RAPGEF6: variants seen among roughly 807,000 people sequenced by gnomAD.
RAPGEF6 encodes the protein PDZ domain containing guanine nucleotide exchange factor (GEF) 2.
A neutral mutation model predicts 171.4 loss-of-function variants in RAPGEF6; 56 were observed. That is an observed-to-expected ratio of 0.33 (90% CI 0.26 to 0.41). The LOEUF is 0.41. RAPGEF6 is among the 10% of genes least tolerant of loss of function. The pLI, the probability that RAPGEF6 is intolerant of heterozygous loss-of-function variation, is 1.00. For missense variants in RAPGEF6, 1,674 were observed against 1,921.4 expected, an observed-to-expected ratio of 0.87 and a Z score of 2.41; for synonymous variants, 692 against 650.1, an observed-to-expected ratio of 1.06 and a Z score of -0.98.
At chr5:131,486,094 A>G (rs1019111354) in intron 15 of RAPGEF6, among the ~76,000 whole-genome samples, 2 of 152,270 alleles carry the variant, frequency 1.3e-5, no homozygotes, top group African/African-American at 4.8e-5. Context: ...AGTTAGGTAC[A>G]GCGCACATCC....
intron 4 of RAPGEF6, among the ~76,000 whole-genome samples, chr5:131,576,462 G>T (rs994999406): frequency 6.6e-6 from 1 of 152,108 alleles, no homozygotes; most frequent in African/African-American, 2.4e-5. Context: ...GCAGAAAGAG[G>T]TTTTCTCACC....
Position 131,464,160 on chromosome 5 carries a change from G to C in RAPGEF6, c.2361C>G (p.Thr787=). 1 of 1,613,942 alleles carries C rather than the reference G, an allele frequency of 6.2e-7. No homozygotes were observed. ...VFHAVHEFGL[T]GASDTYSLCE... ...AGAGAGAATATGTGTCGGATGCACC[G>C]GTCAAACCAAATTCATGAACAGCAT... Residue 787 remains threonine, a synonymous_variant, in exon 18 of 28, where the codon ACC becomes ACG. Transcript: ENST00000509018.
At chr5:131,433,697 G>A in intron 24 of RAPGEF6, 39 bp from the exon 25 acceptor site, 1 of 1,450,828 alleles carries the variant, frequency 6.9e-7, no homozygotes, top group Non-Finnish European at 9.6e-7. Context: ...TACAAAAAAA[G>A]GGAACATATG....
At chr5:131,603,464 CAG>C (rs1172241528) in intron 2 of RAPGEF6, 137 bp from the exon 3 acceptor site, 12 of 593,684 alleles carry the variant, frequency 2.0e-5, no homozygotes, top group Non-Finnish European at 3.2e-5. Flanking sequence ...CACTAAACTA[CAG>C]AGAGTTTAGA....
intron 6 of RAPGEF6, among the ~76,000 whole-genome samples, chr5:131,530,257 A>G (rs1341681254): frequency 6.6e-6 from 1 of 152,108 alleles, no homozygotes; most frequent in Admixed American, 6.5e-5. Context: ...AGGCCAGAAG[A>G]CAGTGTAGTA....
At chr5:131,510,276 A>AGTTACAAAT in intron 8 of RAPGEF6, 38 bp downstream of exon 8, 1 of 1,537,194 alleles carries the variant, frequency 6.5e-7, no homozygotes, top group Admixed American at 1.9e-5. Flanking sequence ...ATATAAATTA[A>AGTTACAAAT]GTTACAAATT....
chr5:131,534,946 T>C (rs1408029180), intron 6 of RAPGEF6, among the ~76,000 whole-genome samples: 2 of 151,946 alleles, frequency 1.3e-5, no homozygotes, highest in Non-Finnish European at 2.9e-5. Flanking sequence ...TTATAAATCA[T>C]GCTGATCAAC....
chr5:131,439,836 T>C (rs1752263021), intron 23 of RAPGEF6, 121 bp from the exon 24 acceptor site: 12 of 1,437,562 alleles, frequency 8.3e-6, no homozygotes, highest in Admixed American at 2.5e-5. Flanking sequence ...AACTGAAATG[T>C]GTAAATGACA....
At chr5:131,623,366 ACATTTTGC>A (rs1445602102) in intron 1 of RAPGEF6, among the ~76,000 whole-genome samples, 1 of 152,176 alleles carries the variant, frequency 6.6e-6, no homozygotes, top group Admixed American at 6.5e-5. Context: ...TAGTAATAGC[ACATTTTGC>A]CATTTTGCCA....
At chr5:131,458,393 T>G (rs1249228234) in intron 19 of RAPGEF6, among the ~76,000 whole-genome samples, 2 of 152,228 alleles carry the variant, frequency 1.3e-5, no homozygotes, top group African/African-American at 4.8e-5. Flanking sequence ...ACTATGATAG[T>G]AAGTTTCCTA....
chr5:131,486,004 T>C (rs1755860707), intron 15 of RAPGEF6, among the ~76,000 whole-genome samples: 1 of 152,166 alleles, frequency 6.6e-6, no homozygotes, highest in Non-Finnish European at 1.5e-5. Flanking sequence ...CTAAAGAACA[T>C]ATTTATTTTC....
chr5:131,466,351 C>T (rs1754343615), intron 17 of RAPGEF6, among the ~76,000 whole-genome samples: 1 of 151,824 alleles, frequency 6.6e-6, no homozygotes, highest in Middle Eastern at 3.2e-3. Flanking sequence ...TGAGCCAATA[C>T]TTAGTGGGCT....
chr5:131,521,081 G>T (rs1191075987), intron 7 of RAPGEF6, among the ~76,000 whole-genome samples: 1 of 152,066 alleles, frequency 6.6e-6, no homozygotes, highest in African/African-American at 2.4e-5. Flanking sequence ...ATAAGTTTAA[G>T]TTCAGTTATT....
At chr5:131,449,916 GT>G in intron 21 of RAPGEF6, 1 of 1,223,832 alleles carries the variant, frequency 8.2e-7, no homozygotes, top group Non-Finnish European at 1.2e-6. Flanking sequence ...GGCTGACAGG[GT>G]TAATAGAATT....
intron 12 of RAPGEF6, among the ~76,000 whole-genome samples, chr5:131,496,460 T>C (rs964207500): frequency 1.6e-4 from 24 of 152,188 alleles, no homozygotes; most frequent in African/African-American, 5.1e-4. Flanking sequence ...TTCTGAGTTC[T>C]GGAACATTTT....
intron 4 of RAPGEF6, among the ~76,000 whole-genome samples, chr5:131,577,120 C>G (rs538188516): frequency 6.6e-6 from 1 of 152,286 alleles, no homozygotes; most frequent in Admixed American, 6.5e-5. Flanking sequence ...GAGAAGGCCA[C>G]CGCAGTCATT....
rs149967432 is a variant in RAPGEF6, at chr5:131,485,474, C to A, written c.1840+4072G>T. 4.8e-3 allele frequency among the ~76,000 whole-genome samples: 727 copies of A among 152,260 alleles called. 5 individuals carry two copies. The highest frequency in any genetic ancestry group is 0.017 in the African/African-American group (690 of 41,556). ...AGCCTAAAAGCAGTGTCACTTTTCTCCACAGGACAACTGCTATTAGTAGGA... is the reference window on the plus strand; with the variant it reads ...AGCCTAAAAGCAGTGTCACTTTTCTACACAGGACAACTGCTATTAGTAGGA... On this transcript the variant is annotated intron_variant, in intron 15 of 27. Transcript: ENST00000509018.
chr5:131,621,541 C>T (rs576193283), intron 1 of RAPGEF6, among the ~76,000 whole-genome samples: 3 of 152,244 alleles, frequency 2.0e-5, no homozygotes, highest in African/African-American at 7.2e-5. Context: ...TGAGGATCCA[C>T]TTCAGCCCCC....
At chr5:131,528,177 TTTATATTATA>T (rs558814800) in intron 6 of RAPGEF6, among the ~76,000 whole-genome samples, 1 of 60,314 alleles carries the variant, frequency 1.7e-5, no homozygotes, top group East Asian at 2.9e-4. Context: ...TACATATAAA[TTTATATTATA>T]TTATAATTAT....
Sources: allele counts gnomAD v4.1 joint callset (sites outside exome capture counted in the v4.1 genomes callset), GRCh38; gene constraint gnomAD v4.1.1; transcripts MANE v1.5; gene names NCBI Gene and HGNC (gene_info 2026-07-23, HGNC 2026-07-21).